The following AMOTL2 variants were observed in gnomAD, a reference collection of about 807,000 sequenced individuals.
AMOTL2 encodes angiomotin like 2.
Under a neutral mutation model 78.4 loss-of-function variants are expected in AMOTL2, and 33 were observed. The ratio of observed to expected loss-of-function variants is 0.42; its 90% CI spans 0.32 to 0.56. The LOEUF (loss-of-function observed/expected upper bound fraction) is 0.56, where lower values mean the gene tolerates loss of function less well. Among genes scored for constraint, AMOTL2 ranks in the 20% least tolerant of loss-of-function variants. AMOTL2 has a pLI of 0.12. For synonymous variants in AMOTL2, 422 were observed against 428.8 expected (o/e 0.98, Z 0.20); for missense variants, 983 against 1,030.1 (o/e 0.95, Z 0.63).
chr3:134,374,658 C>T (rs2018022863), upstream of AMOTL2: 2 of 983,928 alleles, frequency 2.0e-6, no homozygotes, highest in Non-Finnish European at 2.4e-6. Flanking sequence ...GCTGGCCGAG[C>T]GCCGGCCCGG....
At chr3:134,364,174 C>T (rs2017500471) in intron 5 of AMOTL2, among the ~76,000 whole-genome samples, 2 of 152,048 alleles carry the variant, frequency 1.3e-5, no homozygotes, top group South Asian at 4.2e-4. Context: ...CAAAGCCGGG[C>T]GAAGGGCGCC....
At position 134,371,163 on chromosome 3, in the gene AMOTL2, G is replaced by T; in HGVS notation, c.271C>A (p.Leu91Ile). 2 of 1,613,968 alleles carry T rather than the reference G, an allele frequency of 1.2e-6. No homozygotes were observed. Among genetic ancestry groups the T allele is most frequent in the Non-Finnish European group, 1.7e-6 (2 of 1,179,970 alleles). The change falls in exon 2 of 10, where the codon CTC (leucine) becomes ATC (isoleucine). Residue 91 changes from leucine to isoleucine, a missense_variant. Physicochemically the swap from Leu to Ile is conservative, Grantham distance 5 (BLOSUM62 2). Coordinates refer to ENST00000249883, the MANE Select transcript of AMOTL2 (RefSeq NM_016201.4). The stretch of plus-strand genomic sequence containing the variant: ...CTGGGCTGTGGGCATAGCCGGTAGA[G>T]GGTGTTCTCTGCCAGGTGGTTCTCA... Reference protein sequence around the residue: ...GGENHLAENTLYRLCPQPSKG... With the variant: ...GGENHLAENTIYRLCPQPSKG...
In AMOTL2 at chr3:134,371,492, C is replaced by A. The variant is rs1382936787; in HGVS notation, c.-59G>T. The A allele has an allele frequency of 6.3e-7, 1 of 1,587,586 alleles. No homozygotes were observed. Among genetic ancestry groups the A allele is most frequent in the Admixed American group, 1.7e-5 (1 of 59,802 alleles). ...TGGCCGGTGGCACCTGGCCCCAGAG[C>A]ACCTGGAGTGGGGTGGGGAGAGAGA... is the stretch of plus-strand genomic sequence containing the variant. On this transcript the variant is annotated splice_region_variant and 5_prime_UTR_variant, in exon 2 of 10. Coordinates refer to ENST00000249883, the MANE Select transcript of AMOTL2 (RefSeq NM_016201.4).
chr3:134,369,528 G>A (rs947337695), intron 2 of AMOTL2, among the ~76,000 whole-genome samples: 28 of 152,306 alleles, frequency 1.8e-4, no homozygotes, highest in Non-Finnish European at 4.4e-5. Flanking sequence ...AACTCTTCCT[G>A]ACCGAGCCCT....
rs1163956499 is a variant in AMOTL2, at chr3:134,371,221, C to T, written c.213G>A (p.Arg71=). The change falls in exon 2 of 10, where the codon AGG becomes AGA. Residue 71 remains arginine, a synonymous_variant. Coordinates refer to ENST00000249883, the MANE Select transcript of AMOTL2 (RefSeq NM_016201.4). ...GGTGCTCCTGGCCCTGGGGCTCCTG[C>T]CTGGTGGCCTGCTGCAGCACCTGAC... ...EDSQVLQQAT[R]QEPQGQEHQG... 5.6e-6 allele frequency: 9 copies of T among 1,613,428 alleles called. No individual in the cohort carries two copies. Among genetic ancestry groups the T allele is most frequent in the Non-Finnish European group, 7.6e-6 (9 of 1,179,966 alleles).
rs775046972 is a variant in AMOTL2, at chr3:134,367,776, C to T, written c.762G>A (p.Val254=). 18 of 1,613,526 alleles carry T rather than the reference C, an allele frequency of 1.1e-5. No homozygotes were observed. The highest frequency in any genetic ancestry group is 1.5e-5 in the Non-Finnish European group (18 of 1,179,994). ...VRILQAQVPP[V]FLQQQQQYQY... is the part of the protein sequence containing the mutation. ...GGTACTGCTGCTGCTGTTGGAGGAA[C>T]ACAGGAGGCACCTGGGCCTGCAGGA... The change falls in exon 3 of 10, where the codon GTG becomes GTA. Residue 254 remains valine (V), a synonymous_variant. Transcript: ENST00000249883.
In AMOTL2 at chr3:134,366,264, CTG is replaced by C. The variant is rs746287254; in HGVS notation, c.1186+17_1186+18del. The C allele has an allele frequency of 2.0e-5, 33 of 1,612,800 alleles. No individual in the cohort carries two copies. The African/African-American group carries it at 3.9e-4, about 19-fold the overall frequency. On this transcript the variant is annotated intron_variant, in intron 4 of 9. Transcript: ENST00000249883. ...TCTGCAGAGGTTCTCCAACCTCCACCTGTGTGACTGGCTCTCACCTCTAAGAT... is the reference window on the plus strand; with the variant it reads ...TCTGCAGAGGTTCTCCAACCTCCACCTGTGACTGGCTCTCACCTCTAAGAT...
At chr3:134,362,843 C>T (rs1230011001) in intron 5 of AMOTL2, among the ~76,000 whole-genome samples, 3 of 152,212 alleles carry the variant, frequency 2.0e-5, no homozygotes, top group Admixed American at 6.5e-5. Flanking sequence ...GGTCAGCTGC[C>T]TACCTTGCTG....
chr3:134,375,233 A>C, upstream of AMOTL2: 1 of 1,535,692 alleles, frequency 6.5e-7, no homozygotes, highest in Non-Finnish European at 8.7e-7. Flanking sequence ...GTTCTTCCCC[A>C]AGGTGATAAT....
Position 134,357,430 on chromosome 3 carries a change from T to C in AMOTL2, c.*275A>G, listed in dbSNP as rs2017124684. 4.5e-6 allele frequency: 2 copies of C among 440,386 alleles called. No homozygotes were observed. The highest frequency in any genetic ancestry group is 3.9e-5 in the African/African-American group (2 of 51,116). 27.3% of individuals were successfully genotyped at this position (440,386 alleles called of 1,614,324 possible). On this transcript the variant is annotated 3_prime_UTR_variant, in exon 10 of 10. Coordinates refer to ENST00000249883, the MANE Select transcript of AMOTL2 (RefSeq NM_016201.4). ...TCAGTTGCTACCCCAGTAGCAGGCC[T>C]TGGGCAAGAAGTCAAGGCTGAATCC...
intron 5 of AMOTL2, among the ~76,000 whole-genome samples, chr3:134,364,113 A>G (rs1238455152): frequency 6.6e-6 from 1 of 152,038 alleles, no homozygotes; most frequent in African/African-American, 2.4e-5. Context: ...GCAGCGAGCG[A>G]GCCCCCACCT....
At chr3:134,373,735 G>A (rs1203263314) in intron 1 of AMOTL2, 10 of 985,332 alleles carry the variant, frequency 1.0e-5, no homozygotes, top group Non-Finnish European at 1.2e-5. Flanking sequence ...GGTGAGGGTA[G>A]CCCGAGGCCC....
At chr3:134,369,501 C>T (rs2017759821) in intron 2 of AMOTL2, among the ~76,000 whole-genome samples, 1 of 152,186 alleles carries the variant, frequency 6.6e-6, no homozygotes, top group Admixed American at 6.5e-5. Context: ...AAGAAGAAAC[C>T]ACCACTCAGC....
intron 1 of AMOTL2, 44 bp from the exon 2 acceptor site, chr3:134,371,538 GA>G (rs746759494): frequency 6.5e-6 from 10 of 1,542,528 alleles, no homozygotes; most frequent in Non-Finnish European, 8.7e-6. Flanking sequence ...CAATCAGTGG[GA>G]ACCCATGGGA....
chr3:134,358,826 C>T, intron 8 of AMOTL2, 107 bp from the exon 9 acceptor site: 1 of 1,323,476 alleles, frequency 7.6e-7, no homozygotes. Context: ...GAGTGGGCTG[C>T]TCTTGATTTG....
Position 134,357,173 on chromosome 3 carries a change from A to T in AMOTL2, c.*532T>A, listed in dbSNP as rs2017116383. 1 of 163,828 alleles carries T rather than the reference A, an allele frequency of 6.1e-6. No individual in the cohort carries two copies. The highest frequency in any genetic ancestry group is 1.8e-4 in the South Asian group (1 of 5,704). 10.1% of individuals were successfully genotyped at this position (163,828 alleles called of 1,614,324 possible). On this transcript the variant is annotated 3_prime_UTR_variant, in exon 10 of 10. Coordinates refer to ENST00000249883, the MANE Select transcript of AMOTL2 (RefSeq NM_016201.4). ...CTAACACCCTTAATAGTCCCCAAAA[A>T]ATTCAAGTCTTAGTATCCCAAGAAG...
chr3:134,359,191 A>G, intron 8 of AMOTL2, 92 bp downstream of exon 8: 2 of 1,418,258 alleles, frequency 1.4e-6, no homozygotes, highest in Non-Finnish European at 2.0e-6. Flanking sequence ...TGGCTCCTAT[A>G]GCCTCAGTTC....
chr3:134,361,674 T>C lies in AMOTL2; in HGVS notation c.1413A>G (p.Arg471=). Residue 471 remains arginine (R), a synonymous_variant, in exon 6 of 10, where the codon CGA becomes CGG. Transcript: ENST00000249883. ...ALGNAQGRAA[R]AEEELRKKQA... is the part of the protein sequence containing the mutation. Reference sequence around the variant, plus strand: ...GCTTCTTGCGCAGCTCCTCTTCGGCTCGAGCTGCCCGGCCCTGCGCATTGC... The same window carrying C: ...GCTTCTTGCGCAGCTCCTCTTCGGCCCGAGCTGCCCGGCCCTGCGCATTGC... 1.2e-6 allele frequency: 2 copies of C among 1,611,758 alleles called. No individual in the cohort carries two copies. The highest frequency in any genetic ancestry group is 1.7e-6 in the Non-Finnish European group (2 of 1,179,884).
rs1325587216 is a variant in AMOTL2, at chr3:134,367,662, A to C, written c.876T>G (p.Ala292=). Residue 292 remains alanine (A), a synonymous_variant, in exon 3 of 10, where the codon GCT becomes GCG. Transcript: ENST00000249883. ...HGPLSSLSPP[A]VEGPVSAQAS... Reference sequence around the variant, plus strand: ...CCTGGGCACTCACTGGCCCCTCCACAGCAGGTGGACTGAGGGAGCTCAGGG... The same window carrying C: ...CCTGGGCACTCACTGGCCCCTCCACCGCAGGTGGACTGAGGGAGCTCAGGG... The C allele has an allele frequency of 6.2e-7, 1 of 1,613,456 alleles. No homozygotes were observed. Among genetic ancestry groups the C allele is most frequent in the East Asian group, 2.2e-5 (1 of 44,874 alleles).
Sources: gnomAD v4.1 joint callset for allele counts (sites outside exome capture counted in the v4.1 genomes callset) on GRCh38, gnomAD v4.1.1 for gene constraint, MANE v1.5 for transcripts, NCBI Gene and HGNC (gene_info 2026-07-23, HGNC 2026-07-21) for gene names.